Variants in RPA1 observed in about 807,000 individuals in gnomAD.
RPA1 encodes replication protein A1, also known as replication protein A 70 kDa DNA-binding subunit.
In RPA1, 49 loss-of-function variants were observed where a neutral mutation model predicts 83.0. The observed-to-expected ratio is 0.59, with a 90% CI of 0.47 to 0.75. The LOEUF (loss-of-function observed/expected upper bound fraction) is 0.75. Ranked by LOEUF, RPA1 falls within the 30% of genes least tolerant of loss-of-function variation. The probability of loss-of-function intolerance (pLI) is 0.00; values close to 1 mark genes in which losing one functional copy is unlikely to be tolerated. For missense variants in RPA1, 693 were observed against 776.1 expected (o/e 0.89, Z 1.27); for synonymous variants, 279 against 281.8 (o/e 0.99, Z 0.10).
At chr17:1,891,804 C>A in intron 14 of RPA1, 29 bp from the exon 15 acceptor site, 1 of 1,351,280 alleles carries the variant, frequency 7.4e-7, no homozygotes, top group Non-Finnish European at 1.0e-6. Flanking sequence ...TATTTCTTTG[C>A]TGAAATAATG....
chr17:1,831,668 G>A (rs578244055), intron 1 of RPA1, among the ~76,000 whole-genome samples: 4 of 148,858 alleles, frequency 2.7e-5, no homozygotes, highest in East Asian at 3.9e-4. Flanking sequence ...GCGCGATCTC[G>A]GCTCACTGCA....
intron 3 of RPA1, 111 bp downstream of exon 3, chr17:1,844,109 G>T (rs1912166621): frequency 2.5e-6 from 2 of 806,360 alleles, no homozygotes. Flanking sequence ...TACTTGCTTG[G>T]CTACGTACTT....
intron 4 of RPA1, among the ~76,000 whole-genome samples, chr17:1,847,346 G>C (rs1357377038): frequency 1.3e-5 from 2 of 152,180 alleles, no homozygotes; most frequent in Non-Finnish European, 2.9e-5. Flanking sequence ...GTCCTCCAGG[G>C]CATGGTTGTG....
At chr17:1,872,620 A>C in intron 6 of RPA1, 94 bp downstream of exon 6, 1 of 1,520,218 alleles carries the variant, frequency 6.6e-7, no homozygotes, top group Non-Finnish European at 8.9e-7. Flanking sequence ...AGTTTTCCAA[A>C]TGCCATTCAT....
intron 5 of RPA1, 48 bp from the exon 6 acceptor site, chr17:1,872,386 T>C (rs368360630): frequency 9.4e-5 from 151 of 1,598,870 alleles, no homozygotes; most frequent in Non-Finnish European, 1.3e-4. Flanking sequence ...TTAAATCTCT[T>C]AACCCAAATC....
chr17:1,848,466 C>A (rs991339072), intron 4 of RPA1, among the ~76,000 whole-genome samples: 5 of 151,618 alleles, frequency 3.3e-5, no homozygotes, highest in Non-Finnish European at 2.9e-5. Flanking sequence ...CAAAAATCAG[C>A]CGGGCATGGT....
At chr17:1,833,915 C>T (rs986210841) in intron 1 of RPA1, among the ~76,000 whole-genome samples, 1 of 152,216 alleles carries the variant, frequency 6.6e-6, no homozygotes, top group African/African-American at 2.4e-5. Context: ...GGCGCAGTGG[C>T]TCATGCCTGT....
intron 5 of RPA1, among the ~76,000 whole-genome samples, chr17:1,858,930 A>T (rs1229407195): frequency 7.3e-6 from 1 of 137,132 alleles, no homozygotes; most frequent in African/African-American, 2.7e-5. Flanking sequence ...TGAGACAGAG[A>T]CTCACTCTTT....
chr17:1,839,458 T>G (rs1236340828), intron 1 of RPA1, among the ~76,000 whole-genome samples: 3 of 152,018 alleles, frequency 2.0e-5, no homozygotes, highest in African/African-American at 7.2e-5. Flanking sequence ...CCTGAATAGC[T>G]GGGATTACAG....
chr17:1,895,270 G>A (rs1427272612), intron 16 of RPA1, among the ~76,000 whole-genome samples, 175 bp downstream of exon 16: 2 of 151,552 alleles, frequency 1.3e-5, no homozygotes, highest in Non-Finnish European at 2.9e-5. Context: ...GAAGGAGAGA[G>A]AGCTTAAGTG....
chr17:1,838,280 A>G (rs566814864), intron 1 of RPA1, among the ~76,000 whole-genome samples: 400 of 149,434 alleles, frequency 2.7e-3, no homozygotes, highest in Non-Finnish European at 4.7e-3. Context: ...AACAGAGCAA[A>G]ACTCCGTCTC....
chr17:1,889,594 G>A (rs1312853282), intron 14 of RPA1, among the ~76,000 whole-genome samples: 1 of 152,058 alleles, frequency 6.6e-6, no homozygotes, highest in African/African-American at 2.4e-5. Context: ...TCCCACCTCA[G>A]CCTTCCAAAG....
chr17:1,889,890 C>T (rs1357982041), intron 14 of RPA1, among the ~76,000 whole-genome samples: 7 of 151,886 alleles, frequency 4.6e-5, no homozygotes, highest in African/African-American at 9.7e-5. Context: ...GTCCCAGCTA[C>T]TCGGGAGGCT....
intron 1 of RPA1, among the ~76,000 whole-genome samples, chr17:1,831,329 A>G (rs951351194): frequency 6.6e-6 from 1 of 152,020 alleles, no homozygotes; most frequent in Non-Finnish European, 1.5e-5. Flanking sequence ...TTCCTCCTAT[A>G]TTGTCCATTA....
At chr17:1,852,320 G>C (rs1423891666) in intron 4 of RPA1, among the ~76,000 whole-genome samples, 5 of 152,136 alleles carry the variant, frequency 3.3e-5, no homozygotes, top group East Asian at 3.8e-4. Context: ...AGAAATCAAG[G>C]CTGTAGGAAA....
chr17:1,895,226 AC>A (rs1300838713), intron 16 of RPA1, 131 bp downstream of exon 16: 1 of 600,314 alleles, frequency 1.7e-6, no homozygotes, highest in African/African-American at 1.9e-5. Flanking sequence ...TTTGCCCAAC[AC>A]AGGTGCTGTT....
chr17:1,872,399 T>C, intron 5 of RPA1, 35 bp from the exon 6 acceptor site: 1 of 1,608,448 alleles, frequency 6.2e-7, no homozygotes. Flanking sequence ...CCCAAATCCT[T>C]TGCACTAAAA....
rs1238141373 is a variant in RPA1 at position 1,877,284 on chromosome 17, G to A, written c.660G>A (p.Lys220=). ...RTWSNSRGEG[K]LFSLELVDES... ...GGAGCAACTCCCGAGGGGAAGGGAA[G>A]CTTTTCTCCCTAGAACTGGTTGACG... The change falls in exon 8 of 17, where the codon AAG becomes AAA. Residue 220 remains lysine (K), a synonymous_variant. Transcript: ENST00000254719. The A allele has an allele frequency of 6.2e-7, 1 of 1,614,200 alleles. No individual in the cohort carries two copies. Among genetic ancestry groups the A allele is most frequent in the African/African-American group, 1.3e-5 (1 of 75,048 alleles).
rs367869356 is a variant in RPA1 at position 1,875,682 on chromosome 17, A to G, written c.476A>G (p.Tyr159Cys). ...SGMGSTVSKA[Y>C]GASKTFGKAA... ...AAAGGTTCTACTGTTTCTAAGGCTTATGGTGCTTCAAAGACATTTGGAAAA... is the reference window on the plus strand; with the variant it reads ...AAAGGTTCTACTGTTTCTAAGGCTTGTGGTGCTTCAAAGACATTTGGAAAA... The change falls in exon 7 of 17, where the codon TAT (tyrosine) becomes TGT (cysteine). Residue 159 changes from tyrosine (Y) to cysteine (C), a missense_variant. Physicochemically the swap from Tyr to Cys is radical, Grantham distance 194. Coordinates refer to ENST00000254719, the MANE Select transcript of RPA1 (RefSeq NM_002945.5). The G allele has an allele frequency of 1.2e-6, 2 of 1,614,116 alleles. No individual in the cohort carries two copies. The highest frequency in any genetic ancestry group is 1.7e-6 in the Non-Finnish European group (2 of 1,179,994).
Sources: gnomAD v4.1 joint callset for allele counts (sites outside exome capture counted in the v4.1 genomes callset) on GRCh38, gnomAD v4.1.1 for gene constraint, MANE v1.5 for transcripts, NCBI Gene and HGNC (gene_info 2026-07-23, HGNC 2026-07-21) for gene names.